DAB1: variants seen among roughly 807,000 people sequenced by gnomAD.
DAB1 encodes DAB adaptor protein 1, also known as disabled homolog 1.
In DAB1, 15 loss-of-function variants were observed where a neutral mutation model predicts 64.6. That is an observed-to-expected ratio of 0.23 (90% CI 0.16 to 0.36). DAB1 has a LOEUF of 0.36. Ranked by LOEUF, DAB1 falls within the 10% of genes least tolerant of loss-of-function variation. DAB1 has a pLI of 1.00. For missense variants in DAB1, 596 were observed against 706.7 expected, an observed-to-expected ratio of 0.84 and a Z score of 1.78; for synonymous variants, 235 against 251.9, an observed-to-expected ratio of 0.93 and a Z score of 0.64.
At chr1:57,326,093 C>T (rs1030785101) in intron 1 of DAB1, among the ~76,000 whole-genome samples, 4 of 152,252 alleles carry the variant, frequency 2.6e-5, no homozygotes, top group African/African-American at 9.6e-5. Flanking sequence ...AGGGGGTACT[C>T]CCTGCCCTCA....
At chr1:58,490,702 G>A (rs1239633557) in intron 3 of DAB1, among the ~76,000 whole-genome samples, 1 of 151,080 alleles carries the variant, frequency 6.6e-6, no homozygotes, top group African/African-American at 2.4e-5. Context: ...GAAAGGTCGG[G>A]TTACCCACAA....
intron 4 of DAB1, among the ~76,000 whole-genome samples, chr1:58,235,469 G>T (rs1659981495): frequency 6.6e-6 from 1 of 152,186 alleles, no homozygotes; most frequent in African/African-American, 2.4e-5. Context: ...ACCAATGTGA[G>T]AGCCAGATAC....
chr1:57,266,647 T>C (rs1670610706), intron 2 of DAB1, among the ~76,000 whole-genome samples: 1 of 152,214 alleles, frequency 6.6e-6, no homozygotes, highest in Non-Finnish European at 1.5e-5. Context: ...CACTGTTTTA[T>C]ATTTAATATC....
intron 3 of DAB1, among the ~76,000 whole-genome samples, chr1:58,467,160 T>C (rs951657857): frequency 3.3e-5 from 5 of 152,146 alleles, no homozygotes; most frequent in African/African-American, 1.2e-4. Context: ...TGAAAAGCAG[T>C]GATAATGCCG....
intron 5 of DAB1, among the ~76,000 whole-genome samples, chr1:57,943,729 A>G (rs1310677903): frequency 6.6e-6 from 1 of 152,190 alleles, no homozygotes; most frequent in Non-Finnish European, 1.5e-5. Flanking sequence ...TAGACATGAG[A>G]AAGCCAAGAG....
At chr1:58,121,528 T>C (rs1652736642) in intron 5 of DAB1, among the ~76,000 whole-genome samples, 1 of 152,174 alleles carries the variant, frequency 6.6e-6, no homozygotes, top group Non-Finnish European at 1.5e-5. Context: ...CAGTTCTCTC[T>C]CAAAATTTGT....
chr1:57,654,502 T>A (rs1306966287), intron 6 of DAB1, among the ~76,000 whole-genome samples: 1 of 152,238 alleles, frequency 6.6e-6, no homozygotes, highest in African/African-American at 2.4e-5. Context: ...GGGTTTGTTA[T>A]AATTATGTTC....
At chr1:57,672,192 T>G (rs962471103) in intron 6 of DAB1, among the ~76,000 whole-genome samples, 2 of 152,278 alleles carry the variant, frequency 1.3e-5, no homozygotes, top group Admixed American at 6.5e-5. Context: ...GACTTTGAAG[T>G]CTCTGCTCTT....
intron 1 of DAB1, among the ~76,000 whole-genome samples, chr1:58,530,057 A>G (rs1646410989): frequency 6.6e-6 from 1 of 151,982 alleles, no homozygotes; most frequent in Admixed American, 6.6e-5. Context: ...ATTTTTTTGT[A>G]TTTTTAGTAG....
chr1:57,221,425 T>C (rs528739267), intron 2 of DAB1, among the ~76,000 whole-genome samples: 7 of 148,956 alleles, frequency 4.7e-5, no homozygotes, highest in Admixed American at 4.6e-4. Flanking sequence ...TAACACGGTA[T>C]GACCATATGT....
chr1:57,192,384 TC>T (rs1362500905), intron 2 of DAB1, among the ~76,000 whole-genome samples: 1 of 150,618 alleles, frequency 6.6e-6, no homozygotes, highest in Non-Finnish European at 1.5e-5. Flanking sequence ...TCTATACAAA[TC>T]CCAGCCCTTC....
At chr1:58,057,070 C>T (rs1167749587) in intron 5 of DAB1, among the ~76,000 whole-genome samples, 2 of 152,074 alleles carry the variant, frequency 1.3e-5, no homozygotes, top group East Asian at 1.9e-4. Flanking sequence ...ATTGATGACA[C>T]ACTTTGTAAA....
At chr1:57,276,872 T>C (rs1411992928) in intron 2 of DAB1, among the ~76,000 whole-genome samples, 1 of 152,220 alleles carries the variant, frequency 6.6e-6, no homozygotes, top group Non-Finnish European at 1.5e-5. Context: ...TTAAGTTCCT[T>C]GAACTCAGGA....
chr1:58,257,243 CATT>C lies in DAB1; in HGVS notation n.309+86106_309+86108del, dbSNP rs748800472. 1.3e-3 allele frequency among the ~76,000 whole-genome samples: 199 copies of C among 152,266 alleles called. 1 individual carries two copies. Among genetic ancestry groups the C allele is most frequent in the Non-Finnish European group, 2.1e-3 (144 of 68,024 alleles). On this transcript the variant is annotated intron_variant and non_coding_transcript_variant, in intron 4 of 20. Transcript: ENST00000485760. ...CAAACTCAAATGCCTTTAAAGGCCA[CATT>C]AGTAAGCTCAGGGAGTGACGCAGTT...
intron 5 of DAB1, among the ~76,000 whole-genome samples, chr1:57,978,733 A>G (rs964627978): frequency 6.6e-6 from 1 of 152,214 alleles, no homozygotes; most frequent in African/African-American, 2.4e-5. Flanking sequence ...AAAAACAAAC[A>G]ACCCCATCAA....
chr1:57,329,553 GTCA>G (rs1553168743), intron 1 of DAB1, among the ~76,000 whole-genome samples: 1 of 149,744 alleles, frequency 6.7e-6, no homozygotes, highest in Non-Finnish European at 1.5e-5. Flanking sequence ...TTTCTTCAGT[GTCA>G]TCAGCAGCTC....
chr1:58,301,308 G>A (rs1403473666), intron 4 of DAB1, among the ~76,000 whole-genome samples: 5 of 152,190 alleles, frequency 3.3e-5, no homozygotes, highest in African/African-American at 1.2e-4. Context: ...CACACCGACC[G>A]TAAAGCAGGT....
At chr1:57,547,119 G>C (rs199537840) in intron 7 of DAB1, among the ~76,000 whole-genome samples, 2 of 149,296 alleles carry the variant, frequency 1.3e-5, no homozygotes, top group African/African-American at 5.2e-5. Flanking sequence ...AGGCAAGGGG[G>C]AGAGAGAGCA....
chr1:58,510,475 G>A (rs1017141887), intron 2 of DAB1, among the ~76,000 whole-genome samples: 8 of 151,822 alleles, frequency 5.3e-5, no homozygotes, highest in East Asian at 1.9e-4. Context: ...AAATTATCTC[G>A]ACATAATTAT....
Sources: allele counts gnomAD v4.1 joint callset (sites outside exome capture counted in the v4.1 genomes callset), GRCh38; gene constraint gnomAD v4.1.1; transcripts MANE v1.5; gene names NCBI Gene and HGNC (gene_info 2026-07-23, HGNC 2026-07-21).